PDE4D: variants seen among roughly 807,000 people sequenced by gnomAD.
PDE4D encodes 3',5'-cyclic-AMP phosphodiesterase 4D.
PDE4D carries 24 observed loss-of-function variants against 87.4 expected under a neutral mutation model. That is an observed-to-expected ratio of 0.27 (90% CI 0.20 to 0.39). The LOEUF (loss-of-function observed/expected upper bound fraction) is 0.39. Among genes scored for constraint, PDE4D ranks in the 10% least tolerant of loss-of-function variants. The pLI is 1.00. For missense variants in PDE4D, 714 were observed against 1,041.0 expected (o/e 0.69, Z 4.32); for synonymous variants, 384 against 383.2 (o/e 1.00, Z -0.02).
chr5:59,077,057 A>T (rs62356684), intron 5 of PDE4D, among the ~76,000 whole-genome samples: 35,605 of 152,092 alleles, frequency 0.23, 5,155 homozygotes, highest in Middle Eastern at 0.34. Flanking sequence ...CTTGGGTTCA[A>T]ATCCTAACTC....
At chr5:59,583,764 C>T (rs915357456) in intron 1 of PDE4D, among the ~76,000 whole-genome samples, 3 of 152,196 alleles carry the variant, frequency 2.0e-5, no homozygotes, top group Non-Finnish European at 4.4e-5. Flanking sequence ...TGTGCACAGG[C>T]TTCTATTTCA....
At chr5:60,056,605 T>A (rs1770804664) in intron 2 of PDE4D, among the ~76,000 whole-genome samples, 1 of 152,052 alleles carries the variant, frequency 6.6e-6, no homozygotes, top group Non-Finnish European at 1.5e-5. Context: ...ATATCTATAA[T>A]TTCAAAGCAC....
chr5:58,977,281 G>A lies in PDE4D; in HGVS notation c.1617C>T (p.Gly539=), dbSNP rs886944276. ...AGTTTTCTTCCTGAAGCAATTTAAA[G>A]CCCACAGCCAAATGATGGTTCTCTA... ...SVLENHHLAV[G]FKLLQEENCD... The change falls in exon 12 of 15, where the codon GGC becomes GGT. Residue 539 remains glycine, a synonymous_variant. Coordinates refer to ENST00000340635, the MANE Select transcript of PDE4D (RefSeq NM_001104631.2). 2 of 1,612,768 alleles carry A rather than the reference G, an allele frequency of 1.2e-6. No individual in the cohort carries two copies. Among genetic ancestry groups the A allele is most frequent in the Non-Finnish European group, 1.7e-6 (2 of 1,179,300 alleles).
chr5:60,031,267 A>G (rs1233591185), intron 2 of PDE4D, among the ~76,000 whole-genome samples: 2 of 152,232 alleles, frequency 1.3e-5, no homozygotes, highest in Non-Finnish European at 2.9e-5. Flanking sequence ...TGCTTTAACA[A>G]ACATTTAATT....
chr5:59,066,200 TCA>T (rs1426953173), intron 5 of PDE4D, among the ~76,000 whole-genome samples: 1 of 152,090 alleles, frequency 6.6e-6, no homozygotes, highest in Non-Finnish European at 1.5e-5. Context: ...TTAAGAAAAC[TCA>T]CAGTGTGGTC....
chr5:60,435,749 T>G (rs950456814), intron 1 of PDE4D, among the ~76,000 whole-genome samples: 1 of 152,114 alleles, frequency 6.6e-6, no homozygotes, highest in African/African-American at 2.4e-5. Context: ...TTTCAAGATT[T>G]TTTTTTAGAA....
At position 58,971,353 on chromosome 5, in the gene PDE4D, CCATT is replaced by C. The variant is rs1185567208; in HGVS notation, c.*3307_*3310del. On this transcript the variant is annotated 3_prime_UTR_variant, in exon 15 of 15. Coordinates refer to ENST00000340635, the MANE Select transcript of PDE4D (RefSeq NM_001104631.2). ...AAAATGTACAGAGTATGTATACACA[CCATT>C]CATTCTCTCACCAAGAGTTTCCAAA... 2 of 152,498 alleles carry C rather than the reference CCATT, an allele frequency of 1.3e-5. No homozygotes were observed. Among genetic ancestry groups the C allele is most frequent in the Non-Finnish European group, 2.9e-5 (2 of 68,010 alleles). 9.4% of individuals were successfully genotyped at this position (152,498 alleles called of 1,614,324 possible).
At chr5:59,017,407 G>T (rs1015628770) in intron 6 of PDE4D, among the ~76,000 whole-genome samples, 1 of 152,164 alleles carries the variant, frequency 6.6e-6, no homozygotes, top group East Asian at 1.9e-4. Flanking sequence ...TTGCAAGATG[G>T]AGAAGACCGG....
At chr5:59,247,219 C>G (rs1428551061) in intron 1 of PDE4D, among the ~76,000 whole-genome samples, 3 of 152,082 alleles carry the variant, frequency 2.0e-5, no homozygotes, top group African/African-American at 7.2e-5. Context: ...CATGGCCTAG[C>G]TAACTGAACT....
At chr5:59,902,370 A>T (rs1752367912) in intron 3 of PDE4D, among the ~76,000 whole-genome samples, 1 of 152,166 alleles carries the variant, frequency 6.6e-6, no homozygotes, top group Non-Finnish European at 1.5e-5. Flanking sequence ...CAGTATTTCT[A>T]ATAAGCTCCC....
chr5:60,171,587 T>C (rs1431718898), intron 2 of PDE4D, among the ~76,000 whole-genome samples: 1 of 152,096 alleles, frequency 6.6e-6, no homozygotes, highest in East Asian at 1.9e-4. Flanking sequence ...AAATATTTTT[T>C]CCAGAAAGGA....
intron 1 of PDE4D, among the ~76,000 whole-genome samples, chr5:59,342,575 G>A (rs1170855218): frequency 6.6e-6 from 1 of 152,038 alleles, no homozygotes; most frequent in African/African-American, 2.4e-5. Context: ...TAAATTTTGG[G>A]GAGGAATGGG....
intron 1 of PDE4D, chr5:59,217,316 C>T (rs1446227047): frequency 4.4e-6 from 2 of 454,364 alleles, no homozygotes; most frequent in Non-Finnish European, 8.8e-6. Flanking sequence ...TAATATTTTC[C>T]CCATTAGAAT....
chr5:59,836,640 A>ATCTG (rs1161063837), intron 1 of PDE4D, among the ~76,000 whole-genome samples: 27 of 150,614 alleles, frequency 1.8e-4, no homozygotes, highest in African/African-American at 6.7e-4. Context: ...CTATCTATCT[A>ATCTG]TCTATCTATC....
At chr5:59,412,807 C>G (rs1235061309) in intron 1 of PDE4D, among the ~76,000 whole-genome samples, 1 of 152,184 alleles carries the variant, frequency 6.6e-6, no homozygotes, top group African/African-American at 2.4e-5. Flanking sequence ...TAACATGAGA[C>G]TACTCAATGA....
chr5:59,723,502 A>G (rs1006579546), intron 1 of PDE4D, among the ~76,000 whole-genome samples: 2 of 152,164 alleles, frequency 1.3e-5, no homozygotes, highest in Non-Finnish European at 2.9e-5. Flanking sequence ...ATGTGGATAA[A>G]TACAGATGAG....
chr5:59,618,334 G>A (rs1282374562), intron 1 of PDE4D, among the ~76,000 whole-genome samples: 1 of 152,138 alleles, frequency 6.6e-6, no homozygotes, highest in Non-Finnish European at 1.5e-5. Flanking sequence ...GAGCCAAGAG[G>A]AAGAGGGTGT....
At chr5:60,303,363 C>A (rs941562130) in intron 1 of PDE4D, among the ~76,000 whole-genome samples, 2 of 143,144 alleles carry the variant, frequency 1.4e-5, no homozygotes, top group Non-Finnish European at 3.0e-5. Flanking sequence ...GGCTGGAGTG[C>A]AGTGGCGCGA....
At chr5:59,986,413 C>T (rs1463695858) in intron 3 of PDE4D, 1 of 152,182 alleles carries the variant, frequency 6.6e-6, no homozygotes, top group Non-Finnish European at 1.5e-5. Flanking sequence ...TATATTGCAT[C>T]ATTTTATTTT....
Sources: allele counts gnomAD v4.1 joint callset (sites outside exome capture counted in the v4.1 genomes callset), GRCh38; gene constraint gnomAD v4.1.1; transcripts MANE v1.5; gene names NCBI Gene and HGNC (gene_info 2026-07-23, HGNC 2026-07-21).